The following KNTC1 variants were observed in gnomAD, a reference collection of about 807,000 sequenced individuals.
The protein encoded by KNTC1 is kinetochore-associated protein 1.
KNTC1 carries 253 observed loss-of-function variants against 314.4 expected under a neutral mutation model. The observed-to-expected ratio is 0.80, with a 90% CI of 0.73 to 0.89. The LOEUF is 0.89. Ranked by LOEUF, KNTC1 falls within the 40% of genes least tolerant of loss-of-function variation. KNTC1 has a pLI of 0.00. For missense variants in KNTC1, 2,475 were observed against 2,572.9 expected, an observed-to-expected ratio of 0.96 and a Z score of 0.82; for synonymous variants, 901 against 901.4, an observed-to-expected ratio of 1.00 and a Z score of 0.01.
At chr12:122,597,529 G>T (rs1447084038) in intron 43 of KNTC1, 48 of 530,312 alleles carry the variant, frequency 9.1e-5, no homozygotes, top group Non-Finnish European at 1.1e-4. Flanking sequence ...TTACAGGTGT[G>T]AGCCACTGCA....
At position 122,551,537 on chromosome 12, in the gene KNTC1, T is replaced by G. The variant is rs369942048; in HGVS notation, c.1196+14T>G. On this transcript the variant is annotated intron_variant, in intron 15 of 63. Coordinates refer to ENST00000333479, the MANE Select transcript of KNTC1 (RefSeq NM_014708.6). ...ACCAGAAAACAGGTAACTTCTCATTTTTTTTTAAGCTTTATCCTTTAGTGA... is the reference window on the plus strand; with the variant it reads ...ACCAGAAAACAGGTAACTTCTCATTGTTTTTTAAGCTTTATCCTTTAGTGA... 4 of 1,608,586 alleles carry G rather than the reference T, an allele frequency of 2.5e-6. No individual in the cohort carries two copies. In the Admixed American group the frequency reaches 6.7e-5, roughly 27 times the overall value.
In KNTC1 at chr12:122,551,670, G is replaced by C; in HGVS notation, c.1246G>C (p.Ala416Pro). 1.2e-6 allele frequency: 2 copies of C among 1,613,662 alleles called. No individual in the cohort carries two copies. The highest frequency in any genetic ancestry group is 1.7e-6 in the Non-Finnish European group (2 of 1,179,670). The part of the protein sequence containing the change: ...KHRFAEAESF[A>P]IQFGLDVELV... ...CAGATTTGCTGAAGCTGAGAGTTTTGCCATTCAGTTTGGACTAGATGTTGA... is the reference window on the plus strand; with the variant it reads ...CAGATTTGCTGAAGCTGAGAGTTTTCCCATTCAGTTTGGACTAGATGTTGA... The change falls in exon 16 of 64, where the codon GCC (alanine) becomes CCC (proline). Residue 416 changes from alanine to proline, a missense_variant. Ala to Pro is a conservative substitution (Grantham distance 27). Coordinates refer to ENST00000333479, the MANE Select transcript of KNTC1 (RefSeq NM_014708.6).
At chr12:122,567,006 A>AT (rs1964391173) in intron 20 of KNTC1, among the ~76,000 whole-genome samples, 1 of 151,778 alleles carries the variant, frequency 6.6e-6, no homozygotes, top group Admixed American at 6.6e-5. Flanking sequence ...AAGTGCTGGG[A>AT]ATATAGACAT....
Position 122,570,952 on chromosome 12 carries a change from C to T in KNTC1, c.1917+20C>T, listed in dbSNP as rs1279751498. 9 of 1,587,876 alleles carry T rather than the reference C, an allele frequency of 5.7e-6. No individual in the cohort carries two copies. The highest frequency in any genetic ancestry group is 1.7e-5 in the Admixed American group (1 of 57,458). On this transcript the variant is annotated intron_variant, in intron 23 of 63. Transcript: ENST00000333479. Reference sequence around the variant, plus strand: ...GATAAGGTAATACTGATTTAATTAACAGTAAAAAGACATTTTGCACACTCC... The same window carrying T: ...GATAAGGTAATACTGATTTAATTAATAGTAAAAAGACATTTTGCACACTCC...
chr12:122,592,238 G>A (rs897405485), intron 42 of KNTC1, among the ~76,000 whole-genome samples: 7 of 152,198 alleles, frequency 4.6e-5, no homozygotes, highest in Admixed American at 2.6e-4. Flanking sequence ...TCGCTTTCTC[G>A]CCGGGCCTTA....
intron 16 of KNTC1, among the ~76,000 whole-genome samples, chr12:122,555,460 A>G (rs943741595): frequency 6.6e-6 from 1 of 152,178 alleles, no homozygotes; most frequent in Non-Finnish European, 1.5e-5. Context: ...GCTGAGGCAG[A>G]TGAATCGCTT....
intron 24 of KNTC1, 59 bp from the exon 25 acceptor site, chr12:122,572,878 C>T (rs2137921895): frequency 7.8e-7 from 1 of 1,282,170 alleles, no homozygotes; most frequent in South Asian, 1.4e-5. Flanking sequence ...AATTCTGATT[C>T]TATTTTTCTC....
chr12:122,577,027 C>T lies in KNTC1; in HGVS notation c.2719C>T (p.Gln907Ter). Residue 907 changes from glutamine to a stop codon, truncating the protein, a stop_gained and splice_region_variant, in exon 30 of 64, where the codon CAG (glutamine) becomes TAG (stop). Transcript: ENST00000333479. LOFTEE classifies it high-confidence loss of function. ...AATTATTGACCTGATTGATAGAGAA[C>T]AGGTTTGTAAGTTTTATGTTGTCAT... ...LRIIDLIDRE[Q>*]GEDCLLLLKS... 1 of 1,520,794 alleles carries T rather than the reference C, an allele frequency of 6.6e-7. No homozygotes were observed. The highest frequency in any genetic ancestry group is 8.8e-7 in the Non-Finnish European group (1 of 1,137,806). 94.2% of individuals were successfully genotyped at this position (1,520,794 alleles called of 1,614,324 possible).
intron 8 of KNTC1, among the ~76,000 whole-genome samples, chr12:122,545,543 T>C (rs1962694743): frequency 6.6e-6 from 1 of 152,202 alleles, no homozygotes; most frequent in Non-Finnish European, 1.5e-5. Flanking sequence ...TCCAAATATC[T>C]GTGGTATTTT....
chr12:122,604,025 A>G (rs1872291817), intron 48 of KNTC1, among the ~76,000 whole-genome samples: 1 of 152,158 alleles, frequency 6.6e-6, no homozygotes, highest in Non-Finnish European at 1.5e-5. Context: ...TTATACTAGA[A>G]TATGTATGGT....
At chr12:122,619,356 G>T (rs1050382563) in intron 59 of KNTC1, among the ~76,000 whole-genome samples, 1 of 150,706 alleles carries the variant, frequency 6.6e-6, no homozygotes, top group Non-Finnish European at 1.5e-5. Context: ...AGTTTTAGTA[G>T]AGACAGCCTC....
At chr12:122,606,721 G>A (rs1201571791) in intron 51 of KNTC1, among the ~76,000 whole-genome samples, 5 of 151,634 alleles carry the variant, frequency 3.3e-5, no homozygotes, top group African/African-American at 4.8e-5. Flanking sequence ...ACCTTTCACC[G>A]AGATCCATGA....
intron 5 of KNTC1, among the ~76,000 whole-genome samples, chr12:122,541,202 A>G (rs1962283283): frequency 6.6e-6 from 1 of 151,864 alleles, no homozygotes; most frequent in East Asian, 1.9e-4. Flanking sequence ...CAAAAAACAA[A>G]AAAAAAACCT....
intron 44 of KNTC1, among the ~76,000 whole-genome samples, chr12:122,599,866 T>G (rs1369220767): frequency 6.6e-6 from 1 of 152,074 alleles, no homozygotes; most frequent in Non-Finnish European, 1.5e-5. Flanking sequence ...AAAATTTTTT[T>G]AATTAGTTAG....
rs1872121403 is a variant in KNTC1 at position 122,602,850 on chromosome 12, C to A, written c.4847C>A (p.Ser1616Tyr). 6.2e-7 allele frequency: 1 copy of A among 1,612,626 alleles called. No individual in the cohort carries two copies. The highest frequency in any genetic ancestry group is 8.5e-7 in the Non-Finnish European group (1 of 1,178,856). Reference sequence around the variant, plus strand: ...CTAGCTACAGAACTCAGTGAAGAATCTTTCCCAACATTGCTCTTAATTTCG... The same window carrying A: ...CTAGCTACAGAACTCAGTGAAGAATATTTCCCAACATTGCTCTTAATTTCG... ...KILSTELSEE[S>Y]FPTLLLISKL... The change falls in exon 47 of 64, where the codon TCT becomes TAT. Residue 1616 changes from serine (S) to tyrosine (Y), a missense_variant. By Grantham distance (144) the Ser-to-Tyr change is moderately radical. Coordinates refer to ENST00000333479, the MANE Select transcript of KNTC1 (RefSeq NM_014708.6).
rs1962683587 is a variant in KNTC1 at position 122,545,417 on chromosome 12, A to G, written c.670-759A>G. ...ACACAGTGAGATCCTGTCTCTAAAA[A>G]GAGAAGAAACAAAAAAGAGAGAAAA... On this transcript the variant is annotated intron_variant, in intron 8 of 63. Coordinates refer to ENST00000333479, the MANE Select transcript of KNTC1 (RefSeq NM_014708.6). Among the ~76,000 whole-genome samples, 8 of 150,516 alleles carry G rather than the reference A, an allele frequency of 5.3e-5. No homozygotes were observed. In the South Asian group the frequency reaches 1.7e-3, roughly 31 times the overall value.
chr12:122,603,153 ACGCAGACCATCGAATC>A lies in KNTC1; in HGVS notation c.5013_5028del (p.Gln1672AlafsTer5). The stretch of plus-strand genomic sequence containing the variant: ...GATTAACAAGGAAATAACTAAGATC[ACGCAGACCATCGAATC>A]CTGCTTACTCTCTATAGTCAACCCA... On this transcript the variant is annotated frameshift_variant, in exon 48 of 64. Coordinates refer to ENST00000333479, the MANE Select transcript of KNTC1 (RefSeq NM_014708.6). LOFTEE classifies it high-confidence loss of function. 2 of 1,613,676 alleles carry A rather than the reference ACGCAGACCATCGAATC, an allele frequency of 1.2e-6. No individual in the cohort carries two copies. Among genetic ancestry groups the A allele is most frequent in the Non-Finnish European group, 1.7e-6 (2 of 1,179,784 alleles).
chr12:122,623,310 A>T (rs1017865339), intron 62 of KNTC1, among the ~76,000 whole-genome samples: 7 of 152,198 alleles, frequency 4.6e-5, no homozygotes, highest in African/African-American at 1.7e-4. Context: ...CTGGGGGTGG[A>T]TATGGAAACT....
At chr12:122,589,504 T>C (rs1869846538) in intron 40 of KNTC1, among the ~76,000 whole-genome samples, 2 of 147,238 alleles carry the variant, frequency 1.4e-5, no homozygotes, top group African/African-American at 5.0e-5. Context: ...AGGGTCTCAC[T>C]CTGTCACCTA....
Sources: allele counts gnomAD v4.1 joint callset (sites outside exome capture counted in the v4.1 genomes callset), GRCh38; gene constraint gnomAD v4.1.1; transcripts MANE v1.5; gene names NCBI Gene and HGNC (gene_info 2026-07-23, HGNC 2026-07-21).